PHYKPL: variants seen among roughly 807,000 people sequenced by gnomAD.
The protein encoded by PHYKPL is 5-phosphonooxy-L-lysine phospho-lyase.
A neutral mutation model predicts 51.3 loss-of-function variants in PHYKPL; 42 were observed. The ratio of observed to expected loss-of-function variants is 0.82; its 90% CI spans 0.64 to 1.06. PHYKPL has a LOEUF of 1.06. Ranked by LOEUF, PHYKPL falls within the 50% of genes least tolerant of loss-of-function variation. The pLI, the probability that PHYKPL is intolerant of heterozygous loss-of-function variation, is 0.00. For missense variants in PHYKPL, 655 were observed against 586.6 expected (o/e 1.12, Z -1.20); for synonymous variants, 264 against 236.0 (o/e 1.12, Z -1.09).
intron 3 of PHYKPL, chr5:178,226,229 C>T (rs11741185): frequency 0.067 from 10,133 of 151,970 alleles, 379 homozygotes; most frequent in Admixed American, 0.11. Flanking sequence ...GCGCCCACCA[C>T]GATGCCCAGC....
At chr5:178,210,829 C>T in intron 12 of PHYKPL, 1 of 591,082 alleles carries the variant, frequency 1.7e-6, no homozygotes, top group Admixed American at 2.9e-5. Context: ...TCTGAGAGGC[C>T]ATAGCGCCAT....
chr5:178,232,198 G>T, intron 1 of PHYKPL: 1 of 1,249,216 alleles, frequency 8.0e-7, no homozygotes, highest in Non-Finnish European at 1.0e-6. Flanking sequence ...GCTGCCAAGC[G>T]AGGCTGACAC....
In PHYKPL at chr5:178,211,980, A is replaced by C; in HGVS notation, c.1304-10T>G. The C allele has an allele frequency of 6.2e-7, 1 of 1,614,144 alleles. No individual in the cohort carries two copies. The highest frequency in any genetic ancestry group is 1.3e-5 in the African/African-American group (1 of 75,042). ...ACCTTCTCTTCCATGTCTGAAAAAG[A>C]CCACAAAGCAATGCCGACTCAGTCA... On this transcript the variant is annotated splice_polypyrimidine_tract_variant and intron_variant, in intron 11 of 12. Transcript: ENST00000308158.
chr5:178,209,567 G>C, intron 12 of PHYKPL: 7 of 813,846 alleles, frequency 8.6e-6, no homozygotes, highest in Non-Finnish European at 1.4e-5. Flanking sequence ...GTGAGGTTGG[G>C]GACGAACAGG....
At position 178,232,035 on chromosome 5, in the gene PHYKPL, G is replaced by A. The variant is rs989707334; in HGVS notation, c.59+457C>T. The A allele has an allele frequency of 2.5e-6, 3 of 1,197,572 alleles. No individual in the cohort carries two copies. In the African/African-American group the frequency reaches 4.8e-5, roughly 19 times the overall value. The allele number at this position is 1,197,572 out of a possible 1,614,324, so 74.2% of individuals were successfully genotyped here. On this transcript the variant is annotated intron_variant, in intron 1 of 12. Transcript: ENST00000308158. Reference sequence around the variant, plus strand: ...CCGAGGGCCCCCTCACAGGTCAAGTGTGCTGCCTGTGAACCGACTCCCCCG... The same window carrying A: ...CCGAGGGCCCCCTCACAGGTCAAGTATGCTGCCTGTGAACCGACTCCCCCG...
rs116744966 is a variant in PHYKPL at position 178,212,167 on chromosome 5, G to C, written c.1304-197C>G. Among the ~76,000 whole-genome samples the C allele has an allele frequency of 9.6e-3, 1,464 of 152,334 alleles. 23 individuals are homozygous for C. Among genetic ancestry groups the C allele is most frequent in the African/African-American group, 0.033 (1,391 of 41,564 alleles). Reference sequence around the variant, plus strand: ...GCCCTCAGTTCTCCTGAGATTTGTAGGCTCTGTCCAGGATCCCTAAGCCTG... The same window carrying C: ...GCCCTCAGTTCTCCTGAGATTTGTACGCTCTGTCCAGGATCCCTAAGCCTG... On this transcript the variant is annotated intron_variant, in intron 11 of 12. Transcript: ENST00000308158.
At chr5:178,212,215 C>G (rs1014419823) in intron 11 of PHYKPL, among the ~76,000 whole-genome samples, 1 of 152,216 alleles carries the variant, frequency 6.6e-6, no homozygotes, top group Non-Finnish European at 1.5e-5. Context: ...CCTTTGCTCT[C>G]CACAAACACA....
chr5:178,228,267 A>C (rs751334333), intron 3 of PHYKPL: 4 of 472,662 alleles, frequency 8.5e-6, no homozygotes, highest in Non-Finnish European at 1.5e-5. Flanking sequence ...TCAGCAAAGA[A>C]GACAGGGAAG....
chr5:178,211,964 T>G lies in PHYKPL; in HGVS notation c.1310A>C (p.Glu437Ala). 6.2e-7 allele frequency: 1 copy of G among 1,614,114 alleles called. No individual in the cohort carries two copies. Among genetic ancestry groups the G allele is most frequent in the Non-Finnish European group, 8.5e-7 (1 of 1,180,008 alleles). The stretch of plus-strand genomic sequence containing the variant: ...CGTTTCACAACTTCTCACCTTCTCT[T>G]CCATGTCTGAAAAAGACCACAAAGC... ...AKLDAILTDM[E>A]EKVRSCETLR... Residue 437 changes from glutamate (E) to alanine (A), a missense_variant, in exon 12 of 13, where the codon GAA becomes GCA. Coordinates refer to ENST00000308158, the MANE Select transcript of PHYKPL (RefSeq NM_153373.4).
At chr5:178,210,103 C>G in intron 12 of PHYKPL, 1 of 1,611,496 alleles carries the variant, frequency 6.2e-7, no homozygotes, top group Non-Finnish European at 8.5e-7. Context: ...AAATGGTCCA[C>G]GGGCCCCTGT....
At chr5:178,227,711 A>C (rs1762567697) in intron 3 of PHYKPL, among the ~76,000 whole-genome samples, 1 of 152,200 alleles carries the variant, frequency 6.6e-6, no homozygotes, top group South Asian at 2.1e-4. Flanking sequence ...TTTAATGAGA[A>C]AAGGGACATA....
chr5:178,222,819 C>T, intron 7 of PHYKPL, 33 bp downstream of exon 7: 1 of 1,608,628 alleles, frequency 6.2e-7, no homozygotes, highest in Non-Finnish European at 8.5e-7. Context: ...AGACCCCTGC[C>T]CTCCCTAGAG....
intron 9 of PHYKPL, 141 bp downstream of exon 9, chr5:178,215,135 T>G: frequency 7.3e-6 from 10 of 1,378,404 alleles, no homozygotes; most frequent in East Asian, 2.3e-5. Flanking sequence ...AGAGCCGTTT[T>G]GGGCAATAGC....
At chr5:178,218,910 A>G (rs539217220) in intron 8 of PHYKPL, among the ~76,000 whole-genome samples, 1 of 152,310 alleles carries the variant, frequency 6.6e-6, no homozygotes, top group East Asian at 1.9e-4. Context: ...GGTATAAGAA[A>G]AAAATTTGAG....
chr5:178,209,530 G>A, intron 12 of PHYKPL: 1 of 1,223,378 alleles, frequency 8.2e-7, no homozygotes. Context: ...TCCCTCTGGT[G>A]CTGTGCAGCA....
At chr5:178,207,285 G>C (rs1213215339), downstream of PHYKPL, 1 of 1,600,880 alleles carries the variant, frequency 6.2e-7, no homozygotes. Flanking sequence ...CCCTTAGAGG[G>C]ATGGGTTAGG....
intron 8 of PHYKPL, among the ~76,000 whole-genome samples, chr5:178,221,498 CTA>C (rs769662922): frequency 1.3e-5 from 2 of 152,282 alleles, no homozygotes; most frequent in African/African-American, 2.4e-5. Context: ...CTCTGAGGCT[CTA>C]TGTGTCACAT....
chr5:178,207,276 C>T (rs2113546790), downstream of PHYKPL: 1 of 1,605,916 alleles, frequency 6.2e-7, no homozygotes, highest in African/African-American at 1.3e-5. Context: ...GAGAGCTGGC[C>T]CTTAGAGGGA....
In PHYKPL at chr5:178,232,788, A is replaced by G. The variant is rs1763792986; in HGVS notation, c.-238T>C. On this transcript the variant is annotated 5_prime_UTR_variant, in exon 1 of 13. Transcript: ENST00000308158. The stretch of plus-strand genomic sequence containing the variant: ...CTTGGCAGTCCCGCGCAGGAACTCG[A>G]GCGCTGCCCCGTCTCTGGTTCCGGG... The G allele has an allele frequency of 2.9e-6, 1 of 350,206 alleles. No individual in the cohort carries two copies. The highest frequency in any genetic ancestry group is 4.8e-6 in the Non-Finnish European group (1 of 210,446). The allele number at this position is 350,206 out of a possible 1,614,324, so 21.7% of individuals were successfully genotyped here.
Sources: allele counts gnomAD v4.1 joint callset (sites outside exome capture counted in the v4.1 genomes callset), GRCh38; gene constraint gnomAD v4.1.1; transcripts MANE v1.5; gene names NCBI Gene and HGNC (gene_info 2026-07-23, HGNC 2026-07-21).